Variants in PTPRE observed in about 807,000 individuals in gnomAD.
PTPRE encodes the protein protein tyrosine phosphatase receptor type E.
PTPRE carries 51 observed loss-of-function variants against 102.0 expected under a neutral mutation model. That is an observed-to-expected ratio of 0.50 (90% CI 0.40 to 0.63). PTPRE has a LOEUF of 0.63. Among genes scored for constraint, PTPRE ranks in the 30% least tolerant of loss-of-function variants. PTPRE has a pLI of 0.00. For missense variants in PTPRE, 752 were observed against 915.1 expected (o/e 0.82, Z 2.30); for synonymous variants, 345 against 348.2 (o/e 0.99, Z 0.10).
Position 128,070,026 on chromosome 10 carries a change from C to T in PTPRE, c.1143+199C>T. The stretch of plus-strand genomic sequence containing the variant: ...CTCGTCCTCATCTTTCCCTCGTATC[C>T]TCATGTGAGATGGGGCAATCCTACT... On this transcript the variant is annotated intron_variant, in intron 13 of 20. Transcript: ENST00000254667. The surrounding 1 kb of genome is among the most constrained non-coding windows in gnomAD (Gnocchi z 4.8). The T allele has an allele frequency of 1.3e-6, 1 of 791,670 alleles. No individual in the cohort carries two copies. Among genetic ancestry groups the T allele is most frequent in the Non-Finnish European group, 2.0e-6 (1 of 504,012 alleles). The allele number at this position is 791,670 out of a possible 1,614,324, so 49.0% of individuals were successfully genotyped here.
intron 2 of PTPRE, among the ~76,000 whole-genome samples, chr10:127,988,019 A>G (rs1299763418): frequency 6.6e-6 from 1 of 152,238 alleles, no homozygotes; most frequent in Non-Finnish European, 1.5e-5. Context: ...ATGAGTGCCA[A>G]CTGCCTAAGG....
intron 2 of PTPRE, among the ~76,000 whole-genome samples, chr10:128,010,694 C>T (rs958322666): frequency 6.6e-6 from 1 of 152,126 alleles, no homozygotes; most frequent in Non-Finnish European, 1.5e-5. Flanking sequence ...CGGGTTCACA[C>T]CATTCTCCTG....
At chr10:128,057,985 A>C (rs1241664626) in intron 7 of PTPRE, among the ~76,000 whole-genome samples, 1 of 152,230 alleles carries the variant, frequency 6.6e-6, no homozygotes, top group African/African-American at 2.4e-5. Flanking sequence ...TTATTACCTT[A>C]ATTGAGTGGT....
intron 2 of PTPRE, among the ~76,000 whole-genome samples, chr10:128,017,044 T>C (rs1845492793): frequency 6.6e-6 from 1 of 152,168 alleles, no homozygotes; most frequent in Non-Finnish European, 1.5e-5. Context: ...TGCACACGCA[T>C]TGAGCACCTG....
rs1307870185 is a variant in PTPRE at position 127,944,470 on chromosome 10, G to A, written c.-31+37161G>A. ...CAGATGGATGGATACATGGACAGAC[G>A]GATGGATGGATGGATGGATGGATGG... On this transcript the variant is annotated intron_variant, in intron 1 of 20. Coordinates refer to ENST00000254667, the MANE Select transcript of PTPRE (RefSeq NM_006504.6). This position sits in a 1 kb window ranked among gnomAD's most constrained non-coding sequence, Gnocchi z 4.2. 1.3e-5 allele frequency among the ~76,000 whole-genome samples: 1 copy of A among 78,244 alleles called. No homozygotes were observed. The highest frequency in any genetic ancestry group is 2.8e-5 in the Non-Finnish European group (1 of 35,850). The allele number at this position is 78,244 out of a possible 152,430, so 51.3% of individuals were successfully genotyped here.
chr10:127,931,860 C>T (rs377387838), intron 1 of PTPRE, among the ~76,000 whole-genome samples: 126 of 152,322 alleles, frequency 8.3e-4, no homozygotes, highest in African/African-American at 2.6e-3. Flanking sequence ...CCTTAATCTC[C>T]ATTTTTTTCA....
At chr10:128,056,748 G>A (rs558348522) in intron 7 of PTPRE, among the ~76,000 whole-genome samples, 1 of 152,282 alleles carries the variant, frequency 6.6e-6, no homozygotes, top group African/African-American at 2.4e-5. Context: ...GTACAAGTGG[G>A]CATGGGCTGG....
chr10:128,063,170 A>G lies in PTPRE; in HGVS notation c.713A>G (p.Glu238Gly). 1 of 1,614,220 alleles carries G rather than the reference A, an allele frequency of 6.2e-7. No homozygotes were observed. The highest frequency in any genetic ancestry group is 2.2e-5 in the East Asian group (1 of 44,880). Residue 238 changes from glutamate to glycine, a missense_variant, in exon 10 of 21, where the codon GAA becomes GGA. Glu to Gly is a moderately conservative substitution (Grantham distance 98, BLOSUM62 -2). Coordinates refer to ENST00000254667, the MANE Select transcript of PTPRE (RefSeq NM_006504.6). Reference protein sequence around the residue: ...ATIVMLTNLKERKEEKCHQYW... With the variant: ...ATIVMLTNLKGRKEEKCHQYW... ...ATCGTCATGTTAACAAACTTGAAAG[A>G]AAGGAAAGAGGTGAGTTCCAGGCAT...
rs181556858 is a variant in PTPRE at position 127,965,734 on chromosome 10, G to A, written c.-30-16540G>A. 2.6e-4 allele frequency among the ~76,000 whole-genome samples: 39 copies of A among 152,300 alleles called. No individual in the cohort carries two copies. The East Asian group carries it at 7.4e-3, about 29-fold the overall frequency. The stretch of plus-strand genomic sequence containing the variant: ...CCTTCTGGGTGCGGTGAGGGTCTGA[G>A]CCTGTGAACCTCGTATCTGCCCAGC... On this transcript the variant is annotated intron_variant, in intron 1 of 20. Transcript: ENST00000254667.
At chr10:127,935,053 C>G (rs914054248) in intron 1 of PTPRE, among the ~76,000 whole-genome samples, 1 of 152,182 alleles carries the variant, frequency 6.6e-6, no homozygotes, top group Admixed American at 6.5e-5. Flanking sequence ...AGCAGGTGCT[C>G]CCATCTGTGT....
intron 18 of PTPRE, among the ~76,000 whole-genome samples, chr10:128,076,979 G>A (rs915460323): frequency 6.6e-6 from 1 of 152,148 alleles, no homozygotes; most frequent in African/African-American, 2.4e-5. Context: ...GTAAGAGGAA[G>A]AACAAAGGGG....
At chr10:127,942,887 A>C (rs1160391913) in intron 1 of PTPRE, among the ~76,000 whole-genome samples, 4 of 152,224 alleles carry the variant, frequency 2.6e-5, no homozygotes, top group Admixed American at 2.6e-4. Flanking sequence ...TTACACGTAC[A>C]TTACCACAAT....
chr10:128,040,068 T>A (rs113676164), intron 2 of PTPRE, among the ~76,000 whole-genome samples: 2 of 152,096 alleles, frequency 1.3e-5, no homozygotes, highest in African/African-American at 4.8e-5. Context: ...TCCCACCCCC[T>A]ACCCCCAATA....
chr10:127,964,890 C>A (rs1021401298), intron 1 of PTPRE: 9 of 409,432 alleles, frequency 2.2e-5, no homozygotes, highest in South Asian at 1.4e-4. Context: ...CTCCTGGTGT[C>A]GGCGTTCTGC....
chr10:127,913,011 G>A (rs987041773), intron 1 of PTPRE, among the ~76,000 whole-genome samples: 1 of 152,248 alleles, frequency 6.6e-6, no homozygotes, highest in African/African-American at 2.4e-5. Flanking sequence ...GGACTTAGGA[G>A]CAGAATGACT....
intron 2 of PTPRE, among the ~76,000 whole-genome samples, chr10:127,992,414 CGA>C (rs1852768469): frequency 6.6e-6 from 1 of 152,156 alleles, no homozygotes; most frequent in African/African-American, 2.4e-5. Flanking sequence ...AGTTCTCGCA[CGA>C]AATTCATAGC....
At chr10:127,936,399 G>GTT (rs951223597) in intron 1 of PTPRE, among the ~76,000 whole-genome samples, 1 of 152,156 alleles carries the variant, frequency 6.6e-6, no homozygotes, top group African/African-American at 2.4e-5. Flanking sequence ...TGTTTATGTT[G>GTT]TAGATGTTAT....
At chr10:127,930,797 C>CT (rs199628202) in intron 1 of PTPRE, among the ~76,000 whole-genome samples, 3,275 of 143,828 alleles carry the variant, frequency 0.023, 124 homozygotes, top group African/African-American at 0.076. Context: ...TATTTATTTA[C>CT]TTTTTTTTTT....
At chr10:127,983,567 C>T (rs1851815018) in intron 2 of PTPRE, among the ~76,000 whole-genome samples, 3 of 152,304 alleles carry the variant, frequency 2.0e-5, no homozygotes, top group Admixed American at 1.3e-4. Flanking sequence ...TTAAATGTGG[C>T]TTTCTTCAAA....
Sources: allele counts gnomAD v4.1 joint callset (sites outside exome capture counted in the v4.1 genomes callset), GRCh38; gene constraint gnomAD v4.1.1; non-coding constraint Gnocchi (gnomAD v3.1); transcripts MANE v1.5; gene names NCBI Gene and HGNC (gene_info 2026-07-23, HGNC 2026-07-21).